OGDH: variants seen among roughly 807,000 people sequenced by gnomAD.
OGDH encodes the protein oxoglutarate dehydrogenase.
A neutral mutation model predicts 116.6 loss-of-function variants in OGDH; 38 were observed. The ratio of observed to expected loss-of-function variants is 0.33; its 90% CI spans 0.25 to 0.43. The LOEUF (loss-of-function observed/expected upper bound fraction) is 0.43, where lower values mean the gene tolerates loss of function less well. OGDH is among the 20% of genes least tolerant of loss of function. OGDH has a pLI of 1.00. For synonymous variants in OGDH, 488 were observed against 533.3 expected, an observed-to-expected ratio of 0.92 and a Z score of 1.17; for missense variants, 825 against 1,357.2, an observed-to-expected ratio of 0.61 and a Z score of 6.16.
At chr7:44,614,974 G>A (rs7458549) in intron 1 of OGDH, among the ~76,000 whole-genome samples, 47,108 of 151,728 alleles carry the variant, frequency 0.31, 8,638 homozygotes, top group Non-Finnish European at 0.41. Flanking sequence ...GGGATTACAG[G>A]CATGTGCCAC....
chr7:44,664,133 T>A (rs971909758), intron 4 of OGDH, among the ~76,000 whole-genome samples: 1 of 152,180 alleles, frequency 6.6e-6, no homozygotes, highest in African/African-American at 2.4e-5. Context: ...AGTCAGGATC[T>A]TATTTAAATC....
rs1212783191 is a variant in OGDH, at chr7:44,694,248, T to C, written c.1516-176T>C. ...CCACTCCTCATTGACAGAGCAGCTCTACTGTGTGAAGGAGAGATACACAGA... is the reference window on the plus strand; with the variant it reads ...CCACTCCTCATTGACAGAGCAGCTCCACTGTGTGAAGGAGAGATACACAGA... On this transcript the variant is annotated intron_variant, in intron 11 of 22. Transcript: ENST00000222673. This position sits in a 1 kb window ranked among gnomAD's most constrained non-coding sequence, Gnocchi z 4.2. 6.6e-6 allele frequency among the ~76,000 whole-genome samples: 1 copy of C among 152,090 alleles called. No individual in the cohort carries two copies. The highest frequency in any genetic ancestry group is 1.5e-5 in the Non-Finnish European group (1 of 68,018).
intron 9 of OGDH, among the ~76,000 whole-genome samples, chr7:44,680,255 C>T (rs758798314): frequency 6.6e-6 from 1 of 152,072 alleles, no homozygotes; most frequent in Non-Finnish European, 1.5e-5. Flanking sequence ...AAATCATTCT[C>T]TCTCTCCCTC....
At position 44,707,258 on chromosome 7, in the gene OGDH, G is replaced by A; in HGVS notation, c.2666G>A (p.Gly889Asp). ...THFQRVIPED[G>D]PAAQNPENVK... ...TTCCAGCGGGTGATCCCAGAAGATG[G>A]CCCTGCAGCTCAGAACCCAGAAAAT... is the stretch of plus-strand genomic sequence containing the variant. Residue 889 changes from glycine to aspartate, a missense_variant, in exon 21 of 23, where the codon GGC becomes GAC. By Grantham distance (94) the Gly-to-Asp change is moderately conservative. Coordinates refer to ENST00000222673, the MANE Select transcript of OGDH (RefSeq NM_002541.4). The surrounding 1 kb of genome is among the most constrained non-coding windows in gnomAD (Gnocchi z 5.2). The A allele has an allele frequency of 6.2e-7, 1 of 1,614,228 alleles. No individual in the cohort carries two copies.
chr7:44,686,689 CTTTTTTT>C (rs35917984), intron 10 of OGDH, among the ~76,000 whole-genome samples: 1 of 133,244 alleles, frequency 7.5e-6, no homozygotes, highest in African/African-American at 2.8e-5. Context: ...TTCTTTTTTT[CTTTTTTT>C]TTTTTTTTTT....
intron 5 of OGDH, among the ~76,000 whole-genome samples, chr7:44,667,626 G>A (rs975053663): frequency 1.3e-5 from 2 of 152,180 alleles, no homozygotes; most frequent in African/African-American, 4.8e-5. Context: ...TGGCTCTGCT[G>A]TTAGGCTACC....
chr7:44,607,228 C>G (rs1357113182), intron 1 of OGDH, among the ~76,000 whole-genome samples: 1 of 152,250 alleles, frequency 6.6e-6, no homozygotes, highest in South Asian at 2.1e-4. Flanking sequence ...GGCGCCGCCC[C>G]CACACCTGCT....
chr7:44,703,406 T>TCAAAA (rs941449722), intron 20 of OGDH, among the ~76,000 whole-genome samples: 3 of 144,608 alleles, frequency 2.1e-5, no homozygotes, highest in East Asian at 4.2e-4. Context: ...GGACTCCATC[T>TCAAAA]CAAAACAAAA....
At chr7:44,627,299 G>A (rs539879569) in intron 2 of OGDH, among the ~76,000 whole-genome samples, 167 of 152,298 alleles carry the variant, frequency 1.1e-3, no homozygotes, top group African/African-American at 3.7e-3. Flanking sequence ...CTGGCCATGT[G>A]CATGTTTTTC....
intron 1 of OGDH, among the ~76,000 whole-genome samples, chr7:44,619,206 G>A (rs75932446): frequency 0.011 from 1,611 of 152,298 alleles, 27 homozygotes; most frequent in African/African-American, 0.037. Flanking sequence ...GTAGATGTAA[G>A]TAAGTGTTTC....
intron 2 of OGDH, among the ~76,000 whole-genome samples, chr7:44,624,878 G>A (rs895604356): frequency 6.6e-6 from 1 of 152,196 alleles, no homozygotes; most frequent in Non-Finnish European, 1.5e-5. Flanking sequence ...AAGAAAGTGT[G>A]TGGAAAAGAG....
chr7:44,655,023 C>T lies in OGDH; in HGVS notation c.517+7264C>T, dbSNP rs147984105. Among the ~76,000 whole-genome samples the T allele has an allele frequency of 3.7e-4, 56 of 152,268 alleles. 1 individual carries two copies. The highest frequency in any genetic ancestry group is 1.3e-3 in the African/African-American group (54 of 41,558). On this transcript the variant is annotated intron_variant, in intron 4 of 22. Coordinates refer to ENST00000222673, the MANE Select transcript of OGDH (RefSeq NM_002541.4). ...TCTTTGGTTTGTGTCTTTTGTTTGC[C>T]TTTTATTTTAAAAATATAAAAAAGT...
intron 1 of OGDH, among the ~76,000 whole-genome samples, chr7:44,621,363 C>T (rs1212623291): frequency 1.3e-5 from 2 of 152,172 alleles, no homozygotes; most frequent in Non-Finnish European, 2.9e-5. Flanking sequence ...CATGAGCCAC[C>T]GTGCTTGGCT....
At chr7:44,627,493 T>C (rs1015893380) in intron 2 of OGDH, among the ~76,000 whole-genome samples, 1 of 152,224 alleles carries the variant, frequency 6.6e-6, no homozygotes, top group African/African-American at 2.4e-5. Context: ...AGGATTTAGA[T>C]AGATCATCTA....
At chr7:44,644,236 T>C (rs1346402157) in intron 2 of OGDH, among the ~76,000 whole-genome samples, 1 of 150,374 alleles carries the variant, frequency 6.7e-6, no homozygotes, top group African/African-American at 2.5e-5. Context: ...TTAATTGTGC[T>C]TTTCTTTTCT....
rs1301244094 is a variant in OGDH at position 44,697,121 on chromosome 7, G to A, written c.2051+57G>A. ...AAAGAGTAGAAGATGGAAAGGGAGG[G>A]GTTCTGGTGTTTCTTTTCCGGAAGA... On this transcript the variant is annotated intron_variant, in intron 15 of 22. Coordinates refer to ENST00000222673, the MANE Select transcript of OGDH (RefSeq NM_002541.4). The surrounding 1 kb of genome is among the most constrained non-coding windows in gnomAD (Gnocchi z 6.0). 9 of 1,575,426 alleles carry A rather than the reference G, an allele frequency of 5.7e-6. No individual in the cohort carries two copies. The highest frequency in any genetic ancestry group is 5.4e-5 in the African/African-American group (4 of 73,496).
At chr7:44,618,989 T>C (rs548814192) in intron 1 of OGDH, among the ~76,000 whole-genome samples, 34 of 152,374 alleles carry the variant, frequency 2.2e-4, no homozygotes, top group African/African-American at 8.2e-4. Flanking sequence ...TACATGGTTA[T>C]CTATGCTTCA....
chr7:44,672,889 C>G (rs1787530087), intron 5 of OGDH, among the ~76,000 whole-genome samples: 1 of 152,090 alleles, frequency 6.6e-6, no homozygotes, highest in Non-Finnish European at 1.5e-5. Flanking sequence ...GATCTGCCTG[C>G]CTCAGCCTCC....
chr7:44,671,028 A>G (rs1562657126), intron 5 of OGDH, among the ~76,000 whole-genome samples: 1 of 147,374 alleles, frequency 6.8e-6, no homozygotes, highest in African/African-American at 2.5e-5. Context: ...AAAAAAAAAA[A>G]GAAAAGAAAA....
Sources: gnomAD v4.1 joint callset for allele counts (sites outside exome capture counted in the v4.1 genomes callset) on GRCh38, gnomAD v4.1.1 for gene constraint, Gnocchi (gnomAD v3.1) non-coding constraint, MANE v1.5 for transcripts, NCBI Gene and HGNC (gene_info 2026-07-23, HGNC 2026-07-21) for gene names.